NTM: variants seen among roughly 807,000 people sequenced by gnomAD.
The protein encoded by NTM is IgLON family member 2.
NTM carries 13 observed loss-of-function variants against 42.1 expected under a neutral mutation model. The observed-to-expected ratio is 0.31, with a 90% CI of 0.20 to 0.49. NTM has a LOEUF of 0.49. Ranked by LOEUF, NTM falls within the 20% of genes least tolerant of loss-of-function variation. The pLI, the probability that NTM is intolerant of heterozygous loss-of-function variation, is 0.99. For missense variants in NTM, 373 were observed against 452.8 expected (o/e 0.82, Z 1.60); for synonymous variants, 187 against 179.2 (o/e 1.04, Z -0.35).
At position 131,428,880 on chromosome 11, in the gene NTM, CAAAAAAA is replaced by C. The variant is rs35312475; in HGVS notation, c.82+58011_82+58017del. Among the ~76,000 whole-genome samples, 30 of 83,990 alleles carry C rather than the reference CAAAAAAA, an allele frequency of 3.6e-4. No homozygotes were observed. The East Asian group carries it at 4.8e-3, about 14-fold the overall frequency. 55.1% of individuals were successfully genotyped at this position (83,990 alleles called of 152,430 possible). On this transcript the variant is annotated intron_variant, in intron 1 of 8. Coordinates refer to ENST00000683400, the MANE Select transcript of NTM (RefSeq NM_001352005.2). ...TGAAACCCCATCTCTACTAAAAATA[CAAAAAAA>C]AAAAAAAAAAAAAAAAAATTAGCCA...
chr11:131,934,863 G>C (rs2059039240), intron 2 of NTM, among the ~76,000 whole-genome samples: 1 of 152,218 alleles, frequency 6.6e-6, no homozygotes, highest in Non-Finnish European at 1.5e-5. Context: ...GGGTCTGTAA[G>C]CCAGGCCACA....
intron 1 of NTM, among the ~76,000 whole-genome samples, chr11:131,886,577 C>T (rs1455225247): frequency 2.6e-5 from 4 of 152,154 alleles, no homozygotes; most frequent in African/African-American, 4.8e-5. Flanking sequence ...GTAAACTGTC[C>T]ATTTGGTGGC....
chr11:132,081,925 C>T (rs951380423), intron 2 of NTM, among the ~76,000 whole-genome samples: 5 of 138,306 alleles, frequency 3.6e-5, no homozygotes, highest in Admixed American at 2.9e-4. Context: ...GCCACACACA[C>T]ACACATATTC....
chr11:131,979,731 G>T (rs1319395842), intron 2 of NTM, among the ~76,000 whole-genome samples: 1 of 152,192 alleles, frequency 6.6e-6, no homozygotes, highest in Non-Finnish European at 1.5e-5. Context: ...GCCCCAAAGA[G>T]GACATGACAT....
chr11:131,830,328 T>G (rs1423493030), intron 1 of NTM, among the ~76,000 whole-genome samples: 2 of 152,204 alleles, frequency 1.3e-5, no homozygotes, highest in Non-Finnish European at 2.9e-5. Flanking sequence ...TTAATCCTCC[T>G]TGAGTTAATT....
chr11:131,588,258 T>G (rs2059055538), intron 1 of NTM, among the ~76,000 whole-genome samples: 1 of 152,226 alleles, frequency 6.6e-6, no homozygotes, highest in African/African-American at 2.4e-5. Flanking sequence ...GCACAGGGCT[T>G]CCTCACAACA....
intron 4 of NTM, chr11:132,285,125 C>T (rs937509778): frequency 6.6e-6 from 1 of 152,506 alleles, no homozygotes; most frequent in African/African-American, 2.4e-5. Flanking sequence ...TCCCTGCTAC[C>T]CACGTCTTCC....
At chr11:132,313,203 G>A (rs1324669404) in intron 6 of NTM, among the ~76,000 whole-genome samples, 1 of 152,060 alleles carries the variant, frequency 6.6e-6, no homozygotes, top group African/African-American at 2.4e-5. Flanking sequence ...ATGGGCAAGA[G>A]TCATCTATGT....
chr11:131,974,940 A>G (rs2064093227), intron 2 of NTM, among the ~76,000 whole-genome samples: 1 of 152,158 alleles, frequency 6.6e-6, no homozygotes, highest in African/African-American at 2.4e-5. Flanking sequence ...AATTATGCCT[A>G]TATCGTGTCC....
intron 4 of NTM, among the ~76,000 whole-genome samples, chr11:132,228,611 C>A (rs1396918582): frequency 6.6e-6 from 1 of 152,188 alleles, no homozygotes; most frequent in East Asian, 1.9e-4. Flanking sequence ...ACCTTCTCCC[C>A]AGAACTCATG....
At chr11:132,082,293 A>G (rs2059174116) in intron 2 of NTM, among the ~76,000 whole-genome samples, 1 of 152,084 alleles carries the variant, frequency 6.6e-6, no homozygotes, top group Non-Finnish European at 1.5e-5. Flanking sequence ...AGTGAAAGGA[A>G]AGCTCTCAAC....
At chr11:131,664,039 C>T (rs2134513691) in intron 1 of NTM, among the ~76,000 whole-genome samples, 1 of 152,294 alleles carries the variant, frequency 6.6e-6, no homozygotes, top group East Asian at 1.9e-4. Flanking sequence ...GTCTTTGGAC[C>T]ACCCTGGGCT....
At chr11:131,937,363 G>A (rs1437027586) in intron 2 of NTM, among the ~76,000 whole-genome samples, 58 of 152,168 alleles carry the variant, frequency 3.8e-4, no homozygotes, top group Non-Finnish European at 1.3e-4. Context: ...AGACAGATAT[G>A]ACAGGGAGGT....
At chr11:132,056,853 G>A (rs538128867) in intron 2 of NTM, among the ~76,000 whole-genome samples, 2 of 152,092 alleles carry the variant, frequency 1.3e-5, no homozygotes, top group Non-Finnish European at 2.9e-5. Flanking sequence ...TGCACTCCAC[G>A]GAAACCACTT....
At chr11:131,817,298 A>C (rs183916219) in intron 1 of NTM, among the ~76,000 whole-genome samples, 1 of 152,342 alleles carries the variant, frequency 6.6e-6, no homozygotes, top group East Asian at 1.9e-4. Context: ...ATACGACCTT[A>C]GGGCATATAC....
chr11:132,219,930 G>A (rs1465509206), intron 4 of NTM, among the ~76,000 whole-genome samples: 2 of 152,070 alleles, frequency 1.3e-5, no homozygotes, highest in Non-Finnish European at 2.9e-5. Flanking sequence ...TTGCCAAAAT[G>A]GATAGATATT....
intron 3 of NTM, among the ~76,000 whole-genome samples, chr11:132,182,776 A>G (rs533056305): frequency 2.4e-3 from 359 of 152,322 alleles, no homozygotes; most frequent in African/African-American, 8.2e-3. Flanking sequence ...TCTTTAACAA[A>G]GCATATAAAC....
At chr11:131,818,100 G>T (rs1231746529) in intron 1 of NTM, among the ~76,000 whole-genome samples, 1 of 152,266 alleles carries the variant, frequency 6.6e-6, no homozygotes, top group South Asian at 2.1e-4. Flanking sequence ...AAAGGAGTCT[G>T]GGAGGGACAA....
At chr11:131,601,545 A>T (rs948486921) in intron 1 of NTM, among the ~76,000 whole-genome samples, 1 of 151,906 alleles carries the variant, frequency 6.6e-6, no homozygotes, top group Non-Finnish European at 1.5e-5. Context: ...TTGAAGAGGG[A>T]TTAGGGACTA....
Sources: allele counts gnomAD v4.1 joint callset (sites outside exome capture counted in the v4.1 genomes callset), GRCh38; gene constraint gnomAD v4.1.1; transcripts MANE v1.5; gene names NCBI Gene and HGNC (gene_info 2026-07-23, HGNC 2026-07-21).